PKP4: variants seen among roughly 807,000 people sequenced by gnomAD.
PKP4 encodes plakophilin 4, also known as plakophilin-4.
PKP4 carries 90 observed loss-of-function variants against 145.1 expected under a neutral mutation model. That is an observed-to-expected ratio of 0.62 (90% confidence interval 0.52 to 0.74). The LOEUF (loss-of-function observed/expected upper bound fraction) is 0.74. Among genes scored for constraint, PKP4 ranks in the 30% least tolerant of loss-of-function variants. PKP4 has a pLI of 0.00. For missense variants in PKP4, 1,340 were observed against 1,482.7 expected (o/e 0.90, Z 1.58); for synonymous variants, 563 against 577.2 (o/e 0.98, Z 0.35).
At chr2:158,523,344 C>A (rs1482410377) in intron 1 of PKP4, among the ~76,000 whole-genome samples, 1 of 69,026 alleles carries the variant, frequency 1.4e-5, no homozygotes, top group East Asian at 5.0e-4. Flanking sequence ...AGCAGCCTAA[C>A]CGGGAGGCAC....
At chr2:158,670,205 G>A (rs1181134322) in intron 17 of PKP4, among the ~76,000 whole-genome samples, 3 of 152,134 alleles carry the variant, frequency 2.0e-5, no homozygotes, top group Middle Eastern at 3.4e-3. Flanking sequence ...TTGTGAACTG[G>A]GTGGCTTATA....
At chr2:158,637,884 G>T (rs955245017) in intron 9 of PKP4, among the ~76,000 whole-genome samples, 4 of 152,182 alleles carry the variant, frequency 2.6e-5, no homozygotes, top group African/African-American at 9.7e-5. Flanking sequence ...GCAGTTTTTC[G>T]AGGGTAAATT....
Position 158,631,714 on chromosome 2 carries a change from T to C in PKP4, c.1154-39T>C, listed in dbSNP as rs772006859. ...GTTTATGTTTTTAACCTCACTGTGA[T>C]TGTCTCAGTTCTTAACGATGTAATT... On this transcript the variant is annotated intron_variant, in intron 7 of 21. Transcript: ENST00000389759. The C allele has an allele frequency of 5.9e-6, 9 of 1,517,330 alleles. No homozygotes were observed. The East Asian group carries it at 1.4e-4, about 23-fold the overall frequency. The allele number at this position is 1,517,330 out of a possible 1,614,324, so 94.0% of individuals were successfully genotyped here.
intron 2 of PKP4, among the ~76,000 whole-genome samples, chr2:158,545,083 T>C (rs1421822245): frequency 1.4e-5 from 2 of 141,674 alleles, no homozygotes; most frequent in East Asian, 4.2e-4. Context: ...CTTTTTTTTT[T>C]TTTTTTTTTT....
intron 1 of PKP4, among the ~76,000 whole-genome samples, chr2:158,477,402 G>C (rs1470306114): frequency 2.0e-5 from 3 of 152,116 alleles, no homozygotes; most frequent in African/African-American, 7.2e-5. Flanking sequence ...AACAGGAAAT[G>C]ATCTAGCCAA....
At chr2:158,678,462 C>A in intron 20 of PKP4, 119 bp from the exon 21 acceptor site, 1 of 733,410 alleles carries the variant, frequency 1.4e-6, no homozygotes, top group Non-Finnish European at 2.5e-6. Flanking sequence ...CCCGCATTGG[C>A]ACTGGGGAAG....
At chr2:158,676,941 G>A in intron 20 of PKP4, 74 bp downstream of exon 20, 2 of 1,557,190 alleles carry the variant, frequency 1.3e-6, no homozygotes, top group Non-Finnish European at 1.8e-6. Context: ...AGTGGCCTGG[G>A]AAGTAGCCTG....
In PKP4 at chr2:158,488,835, C is replaced by A. The variant is rs114163015; in HGVS notation, c.-6+31617C>A. Among the ~76,000 whole-genome samples, 1,342 of 152,268 alleles carry A rather than the reference C, an allele frequency of 8.8e-3. 20 individuals are homozygous for A. The highest frequency in any genetic ancestry group is 0.03 in the African/African-American group (1,234 of 41,536). On this transcript the variant is annotated intron_variant, in intron 1 of 21. Coordinates refer to ENST00000389759, the MANE Select transcript of PKP4 (RefSeq NM_003628.6). ...AGGAAAAAGAGCTTAGAATTCACTCCTGAGTCAGGGAAAGAATGAAGTCTA... is the reference window on the plus strand; with the variant it reads ...AGGAAAAAGAGCTTAGAATTCACTCATGAGTCAGGGAAAGAATGAAGTCTA...
chr2:158,545,663 A>T (rs1380508611), intron 2 of PKP4, among the ~76,000 whole-genome samples: 8 of 152,082 alleles, frequency 5.3e-5, no homozygotes, highest in Non-Finnish European at 8.8e-5. Flanking sequence ...CTGCATATTT[A>T]CCCCCTAGGT....
At chr2:158,548,385 A>C (rs979204666) in intron 2 of PKP4, 1 of 151,458 alleles carries the variant, frequency 6.6e-6, no homozygotes, top group South Asian at 2.1e-4. Context: ...AGATTATTCA[A>C]CTTCATAAAT....
Position 158,662,878 on chromosome 2 carries a change from A to T in PKP4, c.2212-19A>T. Reference sequence around the variant, plus strand: ...AATGTGCCGAGTTGTTTTTAATTATACGCCATGCTGGGTTTCAGACGGTGG... The same window carrying T: ...AATGTGCCGAGTTGTTTTTAATTATTCGCCATGCTGGGTTTCAGACGGTGG... On this transcript the variant is annotated intron_variant, in intron 13 of 21. Coordinates refer to ENST00000389759, the MANE Select transcript of PKP4 (RefSeq NM_003628.6). 6.3e-7 allele frequency: 1 copy of T among 1,578,002 alleles called. No individual in the cohort carries two copies.
intron 3 of PKP4, among the ~76,000 whole-genome samples, 156 bp downstream of exon 3, chr2:158,577,539 C>G (rs572164341): frequency 6.6e-6 from 1 of 152,180 alleles, no homozygotes; most frequent in African/African-American, 2.4e-5. Flanking sequence ...TTTTGAGAAG[C>G]CTCTTGCAAT....
At chr2:158,484,310 G>A (rs969457171) in intron 1 of PKP4, among the ~76,000 whole-genome samples, 5 of 151,768 alleles carry the variant, frequency 3.3e-5, no homozygotes, top group African/African-American at 1.2e-4. Context: ...GCCTCCCAAA[G>A]TGCTGGGATT....
At chr2:158,593,484 A>C (rs186819617) in intron 3 of PKP4, among the ~76,000 whole-genome samples, 191 of 152,306 alleles carry the variant, frequency 1.3e-3, no homozygotes, top group Admixed American at 2.0e-3. Flanking sequence ...TTTGTCTAGT[A>C]CTACGTCCTT....
At chr2:158,580,453 C>T (rs957011818) in intron 3 of PKP4, among the ~76,000 whole-genome samples, 1 of 152,070 alleles carries the variant, frequency 6.6e-6, no homozygotes, top group South Asian at 2.1e-4. Context: ...TTGTCCCGAG[C>T]AGTAAGAGGC....
intron 2 of PKP4, among the ~76,000 whole-genome samples, chr2:158,541,104 A>C (rs960875355): frequency 6.6e-6 from 1 of 152,106 alleles, no homozygotes. Context: ...TTTTCTTTTT[A>C]GAATCACTTC....
Position 158,577,372 on chromosome 2 carries a change from C to T in PKP4, c.234C>T (p.Ile78=), listed in dbSNP as rs751843160. The change falls in exon 3 of 22, where the codon ATC becomes ATT. Residue 78 remains isoleucine (I), a synonymous_variant. Transcript: ENST00000389759. ...GGCTTGGAGCAGAATCACCAAGCAT[C>T]GCCAGCACCAGGTACAGGGCCAATG... is the stretch of plus-strand genomic sequence containing the variant. The part of the protein sequence containing the change: ...RCRLGAESPS[I]ASTSSTEKSF... 4 of 1,609,610 alleles carry T rather than the reference C, an allele frequency of 2.5e-6. No homozygotes were observed. The highest frequency in any genetic ancestry group is 1.7e-4 in the Middle Eastern group (1 of 6,054).
At chr2:158,490,576 AATAGC>A (rs1428326889) in intron 1 of PKP4, among the ~76,000 whole-genome samples, 5 of 152,222 alleles carry the variant, frequency 3.3e-5, no homozygotes, top group Admixed American at 1.3e-4. Flanking sequence ...AGAAAGGGGA[AATAGC>A]AAGTTGGGAT....
chr2:158,553,753 A>G (rs2045835655), intron 2 of PKP4, among the ~76,000 whole-genome samples: 1 of 151,830 alleles, frequency 6.6e-6, no homozygotes. Context: ...TCCTATGTCT[A>G]TCCCACCACT....
Sources: allele counts gnomAD v4.1 joint callset (sites outside exome capture counted in the v4.1 genomes callset), GRCh38; gene constraint gnomAD v4.1.1; transcripts MANE v1.5; gene names NCBI Gene and HGNC (gene_info 2026-07-23, HGNC 2026-07-21).